The following AFP variants were observed in gnomAD, a reference collection of about 807,000 sequenced individuals.
AFP encodes the protein alpha fetoprotein, also known as alpha-fetoprotein.
AFP carries 64 observed loss-of-function variants against 78.9 expected under a neutral mutation model. That is an observed-to-expected ratio of 0.81 (90% CI 0.66 to 1.00). The LOEUF (loss-of-function observed/expected upper bound fraction) is 1.00, where lower values mean the gene tolerates loss of function less well. AFP is among the 50% of genes least tolerant of loss of function. AFP has a pLI of 0.00. For missense variants in AFP, 689 were observed against 703.8 expected (o/e 0.98, Z 0.24); for synonymous variants, 254 against 243.8 (o/e 1.04, Z -0.39).
intron 4 of AFP, 108 bp downstream of exon 4, chr4:73,440,921 G>C: frequency 9.4e-7 from 1 of 1,062,484 alleles, no homozygotes; most frequent in Non-Finnish European, 1.4e-6. Context: ...GAGGTATAAT[G>C]TTTCTTTGGT....
intron 12 of AFP, chr4:73,453,517 A>G (rs1186184426): frequency 6.5e-6 from 3 of 462,966 alleles, no homozygotes; most frequent in South Asian, 2.2e-5. Flanking sequence ...TCCACTACAC[A>G]TAAGTATGGT....
chr4:73,452,898 A>T (rs753193363), intron 12 of AFP, among the ~76,000 whole-genome samples: 1 of 152,218 alleles, frequency 6.6e-6, no homozygotes, highest in Non-Finnish European at 1.5e-5. Context: ...GGTTGAGGAA[A>T]AGTGGGCAAT....
intron 13 of AFP, 94 bp downstream of exon 13, chr4:73,453,991 A>G (rs997144845): frequency 6.2e-6 from 9 of 1,445,610 alleles, no homozygotes; most frequent in South Asian, 3.7e-5. Flanking sequence ...TAACTTTAAA[A>G]TATTTTCAGA....
chr4:73,448,717 T>G (rs1327984600), intron 8 of AFP, among the ~76,000 whole-genome samples: 1 of 152,268 alleles, frequency 6.6e-6, no homozygotes, highest in Admixed American at 6.5e-5. Context: ...CAAAGGTTCT[T>G]TGCAGTAGAA....
Position 73,440,570 on chromosome 4 carries a change from G to A in AFP, c.271-32G>A, listed in dbSNP as rs1429820113. The A allele has an allele frequency of 3.2e-6, 5 of 1,556,794 alleles. No individual in the cohort carries two copies. The African/African-American group carries it at 6.8e-5, about 21-fold the overall frequency. ...ATAGATTTTTAAAGCAAAGTTAGTTGTCTTTCTCCAAACATAAAATATTTC... is the reference window on the plus strand; with the variant it reads ...ATAGATTTTTAAAGCAAAGTTAGTTATCTTTCTCCAAACATAAAATATTTC... On this transcript the variant is annotated intron_variant, in intron 3 of 14. Transcript: ENST00000395792.
intron 12 of AFP, chr4:73,453,357 T>G (rs1229782163): frequency 1.6e-4 from 38 of 241,040 alleles, no homozygotes; most frequent in Non-Finnish European, 2.9e-4. Context: ...AAGTGAGCAG[T>G]GCAGGCAATT....
In AFP at chr4:73,442,543, A is replaced by G. The variant is rs1472902973; in HGVS notation, c.615+115A>G. On this transcript the variant is annotated intron_variant, in intron 5 of 14. Coordinates refer to ENST00000395792, the MANE Select transcript of AFP (RefSeq NM_001134.3). Reference sequence around the variant, plus strand: ...GTGGAGAGTATCGTTTTTGGAATAGAGAAATAGTTCAGCAGTCTGATATTC... The same window carrying G: ...GTGGAGAGTATCGTTTTTGGAATAGGGAAATAGTTCAGCAGTCTGATATTC... 2.4e-6 allele frequency: 3 copies of G among 1,270,892 alleles called. No individual in the cohort carries two copies. The African/African-American group carries it at 4.4e-5, about 19-fold the overall frequency. 78.7% of individuals were successfully genotyped at this position (1,270,892 alleles called of 1,614,324 possible). A position where few individuals can be genotyped will look rare whatever the true frequency, so the allele number is the denominator to read the frequency against.
intron 9 of AFP, 92 bp downstream of exon 9, chr4:73,449,559 A>G (rs1719928165): frequency 1.4e-6 from 2 of 1,456,492 alleles, no homozygotes; most frequent in East Asian, 2.3e-5. Flanking sequence ...CTAGTTTTCA[A>G]CTAGTTGTTA....
intron 6 of AFP, among the ~76,000 whole-genome samples, chr4:73,443,818 G>A (rs909398731): frequency 1.3e-5 from 2 of 151,968 alleles, no homozygotes; most frequent in Non-Finnish European, 2.9e-5. Context: ...TAAAACTTTT[G>A]CCTTAACAAG....
intron 9 of AFP, among the ~76,000 whole-genome samples, chr4:73,449,768 G>T (rs545264713): frequency 6.6e-6 from 1 of 152,272 alleles, no homozygotes; most frequent in South Asian, 2.1e-4. Flanking sequence ...GATAACTTCA[G>T]AAAGGCAAGA....
chr4:73,447,048 G>A (rs1208873209), intron 7 of AFP, among the ~76,000 whole-genome samples: 3 of 152,236 alleles, frequency 2.0e-5, no homozygotes, highest in African/African-American at 7.2e-5. Flanking sequence ...TGTATAGTAT[G>A]TAACTACGGA....
intron 11 of AFP, 47 bp downstream of exon 11, chr4:73,450,800 A>G: frequency 6.2e-7 from 1 of 1,612,492 alleles, no homozygotes; most frequent in South Asian, 1.1e-5. Context: ...GCCCTGTTTG[A>G]CTTGAAATAG....
In AFP at chr4:73,440,607, T is replaced by A; in HGVS notation, c.276T>A (p.Pro92=). The A allele has an allele frequency of 6.2e-7, 1 of 1,613,504 alleles. No individual in the cohort carries two copies. ...ACATAAAATATTTCTTATAGCTACC[T>A]GCCTTTCTGGAAGAACTTTGCCATG... is the stretch of plus-strand genomic sequence containing the variant. ...QSSGCLENQL[P]AFLEELCHEK... Residue 92 remains proline, a synonymous_variant, in exon 4 of 15, where the codon CCT becomes CCA. Coordinates refer to ENST00000395792, the MANE Select transcript of AFP (RefSeq NM_001134.3).
intron 6 of AFP, among the ~76,000 whole-genome samples, chr4:73,444,178 C>G (rs919149735): frequency 1.3e-5 from 2 of 152,026 alleles, no homozygotes; most frequent in Admixed American, 1.3e-4. Flanking sequence ...GAAATTTCTT[C>G]TTGTAAGAAG....
At chr4:73,452,281 G>A in intron 11 of AFP, 120 bp from the exon 12 acceptor site, 1 of 808,916 alleles carries the variant, frequency 1.2e-6, no homozygotes, top group Non-Finnish European at 2.1e-6. Flanking sequence ...AAATTTTCCT[G>A]TAATATTAAT....
chr4:73,453,111 A>T (rs1720052773), intron 12 of AFP, among the ~76,000 whole-genome samples: 1 of 152,176 alleles, frequency 6.6e-6, no homozygotes, highest in South Asian at 2.1e-4. Context: ...TGTAATGGTG[A>T]TGGTCATGCA....
intron 7 of AFP, 53 bp from the exon 8 acceptor site, chr4:73,447,408 TC>T: frequency 7.3e-7 from 1 of 1,363,066 alleles, no homozygotes; most frequent in Non-Finnish European, 1.0e-6. Flanking sequence ...GGCTTTGAGA[TC>T]CTTTATTAAA....
At chr4:73,441,338 G>C (rs1719656561) in intron 4 of AFP, among the ~76,000 whole-genome samples, 1 of 151,662 alleles carries the variant, frequency 6.6e-6, no homozygotes, top group Non-Finnish European at 1.5e-5. Flanking sequence ...AGGCCGAGGC[G>C]GGCGGATCAC....
chr4:73,438,961 C>G (rs1332134343), intron 3 of AFP, among the ~76,000 whole-genome samples: 1 of 152,068 alleles, frequency 6.6e-6, no homozygotes, highest in Non-Finnish European at 1.5e-5. Flanking sequence ...AATGGCAGAG[C>G]CAGGATTTGA....
Sources: gnomAD v4.1 joint callset for allele counts (sites outside exome capture counted in the v4.1 genomes callset) on GRCh38, gnomAD v4.1.1 for gene constraint, MANE v1.5 for transcripts, NCBI Gene and HGNC (gene_info 2026-07-23, HGNC 2026-07-21) for gene names.